CSMD2: variants seen among roughly 807,000 people sequenced by gnomAD.
The protein encoded by CSMD2 is CUB and Sushi multiple domains 2, also known as CUB and sushi domain-containing protein 2.
Under a neutral mutation model 398.5 loss-of-function variants are expected in CSMD2, and 130 were observed. The ratio of observed to expected loss-of-function variants is 0.33; its 90% confidence interval spans 0.28 to 0.38. The LOEUF (loss-of-function observed/expected upper bound fraction) is 0.38. Ranked by LOEUF, CSMD2 falls within the 10% of genes least tolerant of loss-of-function variation. The probability of loss-of-function intolerance (pLI) is 1.00; values close to 1 mark genes in which losing one functional copy is unlikely to be tolerated. For missense variants in CSMD2, 3,829 were observed against 4,764.9 expected (o/e 0.80, Z 5.78); for synonymous variants, 1,828 against 1,908.5 (o/e 0.96, Z 1.10).
intron 1 of CSMD2, among the ~76,000 whole-genome samples, chr1:34,142,939 C>T (rs2045958): frequency 0.35 from 53,724 of 151,950 alleles, 10,567 homozygotes; most frequent in Non-Finnish European, 0.43. Context: ...TCTAGGGCTG[C>T]GACATTGTGT....
intron 49 of CSMD2, 74 bp from the exon 50 acceptor site, chr1:33,572,765 C>T (rs1191831833): frequency 7.8e-7 from 1 of 1,279,828 alleles, no homozygotes; most frequent in Non-Finnish European, 1.1e-6. Flanking sequence ...TATCCTTCCT[C>T]CCCTCCCAAG....
At chr1:33,750,380 C>G (rs1181024288) in intron 13 of CSMD2, among the ~76,000 whole-genome samples, 2 of 152,174 alleles carry the variant, frequency 1.3e-5, no homozygotes, top group Non-Finnish European at 1.5e-5. Context: ...CAGCAACCCT[C>G]TGAGATAGGT....
intron 48 of CSMD2, 103 bp downstream of exon 48, chr1:33,580,650 G>T: frequency 7.8e-7 from 1 of 1,275,038 alleles, no homozygotes; most frequent in South Asian, 1.4e-5. Flanking sequence ...TTAGCTTCAG[G>T]TGAGGCAGAT....
In CSMD2 at chr1:33,971,195, G is replaced by A. The variant is rs1263707358; in HGVS notation, c.518-35241C>T. Among the ~76,000 whole-genome samples the A allele has an allele frequency of 5.9e-5, 9 of 152,298 alleles. 1 individual carries two copies. The South Asian group carries it at 1.5e-3, about 25-fold the overall frequency. On this transcript the variant is annotated intron_variant, in intron 3 of 70. Transcript: ENST00000373381. ...CCAAGGACACCTTCCCAGAGAGCAG[G>A]ACTCACGATTAACATGCTGCAGATG... is the stretch of plus-strand genomic sequence containing the variant.
At chr1:33,940,199 T>A (rs117792668) in intron 3 of CSMD2, among the ~76,000 whole-genome samples, 1 of 152,232 alleles carries the variant, frequency 6.6e-6, no homozygotes, top group East Asian at 1.9e-4. Flanking sequence ...TCACACGGTG[T>A]TCTCTTGCTT....
chr1:33,855,376 C>T (rs1466114442), intron 5 of CSMD2, among the ~76,000 whole-genome samples: 1 of 152,056 alleles, frequency 6.6e-6, no homozygotes, highest in Non-Finnish European at 1.5e-5. Flanking sequence ...GTCCCTATGG[C>T]CCCCATTTGA....
chr1:33,933,791 G>A (rs1644383777), intron 4 of CSMD2, among the ~76,000 whole-genome samples: 2 of 152,132 alleles, frequency 1.3e-5, no homozygotes, highest in Non-Finnish European at 2.9e-5. Context: ...CTGGGAAGAT[G>A]GGACTTAGGA....
intron 25 of CSMD2, among the ~76,000 whole-genome samples, chr1:33,685,791 T>C (rs1422076893): frequency 6.6e-6 from 1 of 152,200 alleles, no homozygotes; most frequent in Non-Finnish European, 1.5e-5. Flanking sequence ...ACTTATAGCA[T>C]CTATTTTATC....
chr1:33,746,946 A>G (rs1647465711), intron 13 of CSMD2, among the ~76,000 whole-genome samples: 1 of 152,184 alleles, frequency 6.6e-6, no homozygotes, highest in South Asian at 2.1e-4. Flanking sequence ...CTGTGCTGTA[A>G]CCCTGCATGT....
chr1:33,539,101 G>A (rs2148587535), intron 60 of CSMD2, among the ~76,000 whole-genome samples: 1 of 152,206 alleles, frequency 6.6e-6, no homozygotes, highest in South Asian at 2.1e-4. Flanking sequence ...CCGAGTAGGT[G>A]GGACTACAGG....
chr1:33,689,536 C>A (rs992050627), intron 25 of CSMD2, among the ~76,000 whole-genome samples: 2 of 152,172 alleles, frequency 1.3e-5, no homozygotes, highest in African/African-American at 2.4e-5. Context: ...CTCCCCTCCA[C>A]CCCCATAGCC....
chr1:34,146,978 C>A (rs547519963), intron 1 of CSMD2, among the ~76,000 whole-genome samples: 3 of 152,274 alleles, frequency 2.0e-5, no homozygotes, highest in East Asian at 3.9e-4. Context: ...AAGGATAAGG[C>A]CTGGCGCGGT....
intron 5 of CSMD2, among the ~76,000 whole-genome samples, chr1:33,888,831 A>T (rs944248378): frequency 6.6e-6 from 1 of 151,910 alleles, no homozygotes; most frequent in African/African-American, 2.4e-5. Context: ...GCAGTGGCGC[A>T]ATATCGGCTC....
intron 3 of CSMD2, among the ~76,000 whole-genome samples, chr1:34,029,404 A>T (rs1650128479): frequency 6.6e-6 from 1 of 152,232 alleles, no homozygotes; most frequent in East Asian, 1.9e-4. Flanking sequence ...AACCCGATTC[A>T]GTTGCCTGTT....
rs564796654 is a variant in CSMD2 at position 33,545,062 on chromosome 1, G to A, written c.9100+975C>T. Among the ~76,000 whole-genome samples, 14 of 152,194 alleles carry A rather than the reference G, an allele frequency of 9.2e-5. No homozygotes were observed. The East Asian group carries it at 2.7e-3, about 30-fold the overall frequency. On this transcript the variant is annotated intron_variant, in intron 57 of 70. Transcript: ENST00000373381. Reference sequence around the variant, plus strand: ...AATGATCCCCCCACCTTAAGTGAGCGCTCAGTGCTGCCTGGCCATTACACA... The same window carrying A: ...AATGATCCCCCCACCTTAAGTGAGCACTCAGTGCTGCCTGGCCATTACACA...
chr1:33,679,436 G>A (rs1382544803), intron 25 of CSMD2, among the ~76,000 whole-genome samples: 2 of 151,988 alleles, frequency 1.3e-5, no homozygotes, highest in Non-Finnish European at 2.9e-5. Context: ...TCCTGACCTC[G>A]TGATCCACCC....
At chr1:33,627,040 C>G (rs1315557407) in intron 32 of CSMD2, among the ~76,000 whole-genome samples, 2 of 152,180 alleles carry the variant, frequency 1.3e-5, no homozygotes, top group East Asian at 3.8e-4. Flanking sequence ...ATGATGTGAT[C>G]ATCTAGGAGC....
intron 13 of CSMD2, among the ~76,000 whole-genome samples, chr1:33,744,803 G>C (rs188305691): frequency 1.3e-5 from 2 of 152,024 alleles, no homozygotes; most frequent in East Asian, 3.9e-4. Flanking sequence ...AAAAAATAAA[G>C]AAAAAATATA....
chr1:33,674,336 C>T (rs1644622195), intron 25 of CSMD2, among the ~76,000 whole-genome samples: 1 of 152,046 alleles, frequency 6.6e-6, no homozygotes, highest in East Asian at 1.9e-4. Context: ...GACTTTGAAC[C>T]AACAAAGAAC....
Sources: allele counts gnomAD v4.1 joint callset (sites outside exome capture counted in the v4.1 genomes callset), GRCh38; gene constraint gnomAD v4.1.1; transcripts MANE v1.5; gene names NCBI Gene and HGNC (gene_info 2026-07-23, HGNC 2026-07-21).